Variants in SI observed in about 807,000 individuals in gnomAD.
SI encodes the protein sucrase-isomaltase.
Under a neutral mutation model 253.3 loss-of-function variants are expected in SI, and 235 were observed. That is an observed-to-expected ratio of 0.93 (90% CI 0.83 to 1.03). SI has a LOEUF of 1.03. Ranked by LOEUF, SI falls within the 50% of genes least tolerant of loss-of-function variation. The pLI is 0.00. For synonymous variants in SI, 819 were observed against 712.0 expected (o/e 1.15, Z -2.39); for missense variants, 2,442 against 2,211.1 (o/e 1.10, Z -2.09).
At chr3:165,084,589 T>C in the SI span, among the ~76,000 whole-genome samples, 10 of 151,928 alleles carry the variant, frequency 6.6e-5, no homozygotes, top group African/African-American at 2.4e-4. Flanking sequence ...ATATTTATAA[T>C]TATCACTATA....
At chr3:165,048,567 G>GTA (rs151098561) in intron 15 of SI, among the ~76,000 whole-genome samples, 13,822 of 123,384 alleles carry the variant, frequency 0.11, 940 homozygotes, top group East Asian at 0.24. Context: ...ATATATATAT[G>GTA]TATATATATA....
Position 165,068,818 on chromosome 3 carries a change from T to G in SI, c.387A>C (p.Lys129Asn). Residue 129 changes from lysine (K) to asparagine (N), a missense_variant, in exon 5 of 48, where the codon AAA (lysine) becomes AAC (asparagine). Lys to Asn is a moderately conservative substitution (Grantham distance 94, BLOSUM62 0). Coordinates refer to ENST00000264382, the MANE Select transcript of SI (RefSeq NM_001041.4). The part of the protein sequence containing the change: ...MTTTSIGVEA[K>N]LNRIPSPTLF... Reference sequence around the variant, plus strand: ...GTGTAGGTGAAGGTATCCTGTTTAATTTGGCTTCAACTCCTTAAAGAATAA... The same window carrying G: ...GTGTAGGTGAAGGTATCCTGTTTAAGTTGGCTTCAACTCCTTAAAGAATAA... 6.3e-7 allele frequency: 1 copy of G among 1,595,454 alleles called. No homozygotes were observed. The highest frequency in any genetic ancestry group is 8.5e-7 in the Non-Finnish European group (1 of 1,173,464).
At chr3:165,053,003 C>A (rs890768773) in intron 13 of SI, among the ~76,000 whole-genome samples, 1 of 151,130 alleles carries the variant, frequency 6.6e-6, no homozygotes, top group Non-Finnish European at 1.5e-5. Flanking sequence ...AGAATAGAAC[C>A]AAAATAACAA....
chr3:165,044,924 T>C (rs1576906303), intron 16 of SI, among the ~76,000 whole-genome samples: 1 of 152,044 alleles, frequency 6.6e-6, no homozygotes, highest in Non-Finnish European at 1.5e-5. Flanking sequence ...CTGTTTATTG[T>C]GCATGGTGTG....
At chr3:165,051,720 T>C (rs562990610) in intron 13 of SI, among the ~76,000 whole-genome samples, 2 of 152,198 alleles carry the variant, frequency 1.3e-5, no homozygotes, top group South Asian at 4.1e-4. Context: ...AACACTCATC[T>C]ATGATATTAA....
chr3:165,067,927 T>G (rs1474788573), intron 5 of SI, among the ~76,000 whole-genome samples: 2 of 151,760 alleles, frequency 1.3e-5, no homozygotes, highest in African/African-American at 2.4e-5. Context: ...AAAGAAGCAC[T>G]GAAATAAAGC....
intron 1 of SI, 82 bp from the exon 2 acceptor site, chr3:165,076,094 ATTC>A: frequency 1.9e-6 from 2 of 1,074,294 alleles, no homozygotes; most frequent in Non-Finnish European, 2.6e-6. Context: ...GAAATTACAT[ATTC>A]TTTTTTTTAC....
intron 7 of SI, among the ~76,000 whole-genome samples, chr3:165,064,431 G>C (rs975073531): frequency 1.3e-5 from 2 of 152,032 alleles, no homozygotes; most frequent in South Asian, 4.1e-4. Flanking sequence ...TAATAATTCT[G>C]TACCAAATGA....
At chr3:164,998,518 A>T in intron 38 of SI, 22 bp downstream of exon 38, 2 of 1,610,608 alleles carry the variant, frequency 1.2e-6, no homozygotes, top group Non-Finnish European at 1.7e-6. Flanking sequence ...AAATAATAAT[A>T]AAGATGGTGA....
chr3:165,063,230 C>T (rs1190098488), intron 8 of SI, among the ~76,000 whole-genome samples: 1 of 152,028 alleles, frequency 6.6e-6, no homozygotes, highest in East Asian at 1.9e-4. Flanking sequence ...CTGAATACCA[C>T]AGCATAGCAT....
At chr3:164,997,314 G>A (rs368703301) in intron 38 of SI, among the ~76,000 whole-genome samples, 4 of 151,662 alleles carry the variant, frequency 2.6e-5, no homozygotes, top group East Asian at 1.9e-4. Context: ...TTTATCAATG[G>A]TGAACAAATT....
At chr3:165,080,645 C>T (rs573401588), upstream of SI, among the ~76,000 whole-genome samples, 106 of 152,010 alleles carry the variant, frequency 7.0e-4, no homozygotes, top group African/African-American at 1.9e-3. Context: ...AGCCAACTAT[C>T]GCAAGGACAA....
rs780497188 is a variant in SI at position 165,015,217 on chromosome 3, C to G, written c.3905G>C (p.Gly1302Ala). Reference protein sequence around the residue: ...YIIILDPAISGNETKTYPAFE... With the variant: ...YIIILDPAISANETKTYPAFE... ...TGCAGGGTAAGTCTTTGTTTCATTTCCTGAAATTGCTGGATCCTAAAATTA... is the reference window on the plus strand; with the variant it reads ...TGCAGGGTAAGTCTTTGTTTCATTTGCTGAAATTGCTGGATCCTAAAATTA... Residue 1302 changes from glycine to alanine, a missense_variant, in exon 33 of 48, where the codon GGA (glycine) becomes GCA (alanine). Physicochemically the swap from Gly to Ala is moderately conservative, Grantham distance 60 (BLOSUM62 0). Transcript: ENST00000264382. The G allele has an allele frequency of 4.2e-5, 68 of 1,612,366 alleles. No individual in the cohort carries two copies. The South Asian group carries it at 6.9e-4, about 16-fold the overall frequency.
chr3:164,991,573 A>T, intron 43 of SI, 96 bp from the exon 44 acceptor site: 2 of 1,294,294 alleles, frequency 1.5e-6, no homozygotes, highest in Admixed American at 1.8e-5. Flanking sequence ...AAATCAAATG[A>T]TACACTTTTA....
At chr3:165,004,296 G>A (rs1576879548) in intron 37 of SI, among the ~76,000 whole-genome samples, 1 of 152,218 alleles carries the variant, frequency 6.6e-6, no homozygotes, top group East Asian at 1.9e-4. Flanking sequence ...AAGACAGCCA[G>A]TAACAAATGC....
chr3:165,034,365 A>G (rs1322112073), intron 22 of SI, among the ~76,000 whole-genome samples: 1 of 152,006 alleles, frequency 6.6e-6, no homozygotes, highest in African/African-American at 2.4e-5. Context: ...GACAGTATGT[A>G]TTTGGAGTAT....
chr3:165,028,445 A>G (rs1419886673), intron 25 of SI, among the ~76,000 whole-genome samples: 3 of 151,438 alleles, frequency 2.0e-5, no homozygotes, highest in South Asian at 2.1e-4. Context: ...ACAATCCTAA[A>G]ATTCATATGG....
intron 18 of SI, among the ~76,000 whole-genome samples, chr3:165,040,650 A>G (rs984285760): frequency 4.6e-5 from 7 of 152,032 alleles, no homozygotes; most frequent in Non-Finnish European, 8.8e-5. Context: ...TATTTAGTTG[A>G]TGTATTTTTA....
chr3:165,030,819 C>T lies in SI; in HGVS notation c.2785G>A (p.Val929Ile). Residue 929 changes from valine (V) to isoleucine (I), a missense_variant, in exon 25 of 48, where the codon GTT becomes ATT. Transcript: ENST00000264382. The stretch of plus-strand genomic sequence containing the variant: ...TCTGAGAAAATTTGATTCCATTGAA[C>T]ACTAAAGTTTCTTCCAAGATTAAGT... ...LKLNLGRNFS[V>I]QWNQIFSENE... 1 of 1,560,456 alleles carries T rather than the reference C, an allele frequency of 6.4e-7. No individual in the cohort carries two copies. Among genetic ancestry groups the T allele is most frequent in the Non-Finnish European group, 8.7e-7 (1 of 1,152,166 alleles).
Sources: allele counts gnomAD v4.1 joint callset (sites outside exome capture counted in the v4.1 genomes callset), GRCh38; gene constraint gnomAD v4.1.1; transcripts MANE v1.5; gene names NCBI Gene and HGNC (gene_info 2026-07-23, HGNC 2026-07-21).